RAPGEF6: variants seen among roughly 807,000 people sequenced by gnomAD.
RAPGEF6 encodes Rap guanine nucleotide exchange factor 6, also known as PDZ domain containing guanine nucleotide exchange factor (GEF) 2.
A neutral mutation model predicts 171.4 loss-of-function variants in RAPGEF6; 56 were observed. That is an observed-to-expected ratio of 0.33 (90% CI 0.26 to 0.41). RAPGEF6 has a LOEUF of 0.41. Ranked by LOEUF, RAPGEF6 falls within the 10% of genes least tolerant of loss-of-function variation. RAPGEF6 has a pLI of 1.00. For missense variants in RAPGEF6, 1,674 were observed against 1,921.4 expected, an observed-to-expected ratio of 0.87 and a Z score of 2.41; for synonymous variants, 692 against 650.1, an observed-to-expected ratio of 1.06 and a Z score of -0.98.
At chr5:131,441,224 T>C (rs569702820) in intron 23 of RAPGEF6, among the ~76,000 whole-genome samples, 49 of 152,336 alleles carry the variant, frequency 3.2e-4, no homozygotes, top group Non-Finnish European at 6.2e-4. Context: ...ATGCTTCCTT[T>C]GTAGAATGAG....
intron 5 of RAPGEF6, among the ~76,000 whole-genome samples, chr5:131,556,837 T>C (rs1055219522): frequency 2.0e-5 from 3 of 152,224 alleles, no homozygotes; most frequent in Non-Finnish European, 4.4e-5. Flanking sequence ...AGTAATATCC[T>C]TACTATGGTA....
chr5:131,500,087 C>T (rs567372562), intron 11 of RAPGEF6, among the ~76,000 whole-genome samples: 17 of 152,186 alleles, frequency 1.1e-4, no homozygotes, highest in South Asian at 8.3e-4. Context: ...TTAGTAGAGA[C>T]GGGGTTTCAC....
intron 4 of RAPGEF6, among the ~76,000 whole-genome samples, chr5:131,583,050 T>C (rs1269128799): frequency 6.6e-6 from 1 of 152,192 alleles, no homozygotes; most frequent in African/African-American, 2.4e-5. Flanking sequence ...CAAATGTCCA[T>C]AACAACATTC....
chr5:131,449,982 C>A, intron 21 of RAPGEF6: 2 of 1,515,426 alleles, frequency 1.3e-6, no homozygotes, highest in Non-Finnish European at 1.8e-6. Context: ...TGTTAAGAGT[C>A]GCACAACCTT....
intron 4 of RAPGEF6, among the ~76,000 whole-genome samples, chr5:131,581,588 C>G (rs1762964516): frequency 6.6e-6 from 1 of 152,258 alleles, no homozygotes; most frequent in African/African-American, 2.4e-5. Context: ...TAATCCAGCT[C>G]AAAGCAGCCC....
chr5:131,496,000 C>T lies in RAPGEF6; in HGVS notation c.1420-340G>A, dbSNP rs561096417. On this transcript the variant is annotated intron_variant, in intron 12 of 27. Coordinates refer to ENST00000509018, the MANE Select transcript of RAPGEF6 (RefSeq NM_016340.6). The stretch of plus-strand genomic sequence containing the variant: ...AATCCTATCAATCAAAAATCCATAC[C>T]GAAAGCGTTTCCATGGTCAAGAACA... Among the ~76,000 whole-genome samples the T allele has an allele frequency of 3.9e-5, 6 of 152,228 alleles. No homozygotes were observed. The East Asian group carries it at 5.8e-4, about 15-fold the overall frequency.
intron 15 of RAPGEF6, among the ~76,000 whole-genome samples, chr5:131,483,389 G>A (rs1294419022): frequency 6.7e-6 from 1 of 150,130 alleles, no homozygotes; most frequent in East Asian, 1.9e-4. Context: ...CACTGGACAT[G>A]AGTATGTAAT....
At chr5:131,618,750 C>T (rs975330107) in intron 1 of RAPGEF6, among the ~76,000 whole-genome samples, 1 of 152,136 alleles carries the variant, frequency 6.6e-6, no homozygotes, top group African/African-American at 2.4e-5. Flanking sequence ...TTGGAGAACA[C>T]GACATTCACA....
chr5:131,506,946 G>A (rs963372978), intron 9 of RAPGEF6, among the ~76,000 whole-genome samples: 2 of 151,410 alleles, frequency 1.3e-5, no homozygotes, highest in African/African-American at 2.4e-5. Flanking sequence ...CTTTTGGGGG[G>A]AGTCCATCCT....
chr5:131,536,639 G>T (rs571464356), intron 6 of RAPGEF6, among the ~76,000 whole-genome samples: 1 of 152,002 alleles, frequency 6.6e-6, no homozygotes, highest in Admixed American at 6.6e-5. Context: ...GAGAGAAACC[G>T]TCATCATCAA....
Position 131,635,221 on chromosome 5 carries a change from G to C in RAPGEF6, c.-191C>G, listed in dbSNP as rs1766570054. 2 of 573,616 alleles carry C rather than the reference G, an allele frequency of 3.5e-6. No individual in the cohort carries two copies. Among genetic ancestry groups the C allele is most frequent in the East Asian group, 3.1e-5 (1 of 32,576 alleles). 35.5% of individuals were successfully genotyped at this position (573,616 alleles called of 1,614,324 possible). A position where few individuals can be genotyped will look rare whatever the true frequency, so the allele number is the denominator to read the frequency against. Reference sequence around the variant, plus strand: ...CTCTACCCACGCGCGACTGGCCGGAGACAAGTCTGCGCGGGGGCGGGGGAG... The same window carrying C: ...CTCTACCCACGCGCGACTGGCCGGACACAAGTCTGCGCGGGGGCGGGGGAG... On this transcript the variant is annotated 5_prime_UTR_variant, in exon 1 of 28. Coordinates refer to ENST00000509018, the MANE Select transcript of RAPGEF6 (RefSeq NM_016340.6).
chr5:131,564,721 C>T (rs1278300160), intron 4 of RAPGEF6, among the ~76,000 whole-genome samples: 4 of 152,126 alleles, frequency 2.6e-5, no homozygotes, highest in Admixed American at 1.3e-4. Context: ...TAGAAATCAA[C>T]AGACAACAAT....
chr5:131,456,079 A>G lies in RAPGEF6; in HGVS notation c.2865-67T>C, dbSNP rs1167366493. ...GAAAGGGGTGGACTCAGGTCAGCAT[A>G]TACACCATTTTCTCTAATAAAAGTA... On this transcript the variant is annotated intron_variant, in intron 19 of 27. Transcript: ENST00000509018. 21 of 1,119,402 alleles carry G rather than the reference A, an allele frequency of 1.9e-5. No individual in the cohort carries two copies. In the East Asian group the frequency reaches 4.8e-4, roughly 25 times the overall value. The allele number at this position is 1,119,402 out of a possible 1,614,324, so 69.3% of individuals were successfully genotyped here.
At chr5:131,528,301 A>ATTT (rs1173844348) in intron 6 of RAPGEF6, among the ~76,000 whole-genome samples, 36 of 47,838 alleles carry the variant, frequency 7.5e-4, no homozygotes, top group South Asian at 1.4e-3. Context: ...AAAATAAAAT[A>ATTT]ATATATTTAT....
chr5:131,459,068 T>C (rs560207648), intron 19 of RAPGEF6, among the ~76,000 whole-genome samples: 2 of 152,244 alleles, frequency 1.3e-5, no homozygotes, highest in Non-Finnish European at 2.9e-5. Flanking sequence ...GGGGTTTGAC[T>C]AGCCCTATCA....
At chr5:131,610,059 C>G (rs1275223244) in intron 1 of RAPGEF6, among the ~76,000 whole-genome samples, 1 of 152,096 alleles carries the variant, frequency 6.6e-6, no homozygotes. Context: ...AGCTTAAAGG[C>G]AATAATGTGA....
intron 21 of RAPGEF6, chr5:131,446,998 A>G: frequency 3.5e-6 from 1 of 286,668 alleles, no homozygotes; most frequent in Non-Finnish European, 6.6e-6. Flanking sequence ...AGTAACAAGA[A>G]AAAGCATTCC....
rs781489891 is a variant in RAPGEF6 at position 131,455,964 on chromosome 5, C to G, written c.2913G>C (p.Lys971Asn). The part of the protein sequence containing the change: ...SVARLRGTWE[K>N]LPSKYEKHLQ... ...GATGTTTCTCGTATTTGCTTGGTAA[C>G]TTTTCCCAAGTTCCTCTGAGTCTTG... The change falls in exon 20 of 28, where the codon AAG becomes AAC. Residue 971 changes from lysine (K) to asparagine (N), a missense_variant. Physicochemically the swap from Lys to Asn is moderately conservative, Grantham distance 94 (BLOSUM62 0). This residue lies in a region of RAPGEF6 where 1,116 missense variants were observed against 1,321.5 expected (regional missense o/e 0.84). Coordinates refer to ENST00000509018, the MANE Select transcript of RAPGEF6 (RefSeq NM_016340.6). 1.7e-5 allele frequency: 28 copies of G among 1,614,124 alleles called. No homozygotes were observed. The highest frequency in any genetic ancestry group is 2.4e-5 in the Non-Finnish European group (28 of 1,180,016).
intron 19 of RAPGEF6, among the ~76,000 whole-genome samples, chr5:131,461,191 G>A (rs1753907309): frequency 6.6e-6 from 1 of 152,152 alleles, no homozygotes; most frequent in Non-Finnish European, 1.5e-5. Flanking sequence ...CTTGCTTGAG[G>A]AACACCACAT....
Sources: gnomAD v4.1 joint callset for allele counts (sites outside exome capture counted in the v4.1 genomes callset) on GRCh38, gnomAD v4.1.1 for gene constraint, gnomAD v4.1.1 regional missense constraint, MANE v1.5 for transcripts, NCBI Gene and HGNC (gene_info 2026-07-23, HGNC 2026-07-21) for gene names.